Variants in DLG2 observed in about 807,000 individuals in gnomAD.
DLG2 encodes the protein disks large homolog 2.
DLG2 carries 45 observed loss-of-function variants against 132.5 expected under a neutral mutation model. The observed-to-expected ratio is 0.34, with a 90% CI of 0.27 to 0.44. The LOEUF (loss-of-function observed/expected upper bound fraction) is 0.44, where lower values mean the gene tolerates loss of function less well. Among genes scored for constraint, DLG2 ranks in the 20% least tolerant of loss-of-function variants. DLG2 has a pLI of 1.00. For missense variants in DLG2, 1,045 were observed against 1,196.9 expected (o/e 0.87, Z 1.87); for synonymous variants, 424 against 419.6 (o/e 1.01, Z -0.13).
At chr11:83,655,527 C>G (rs1382828511) in intron 18 of DLG2, among the ~76,000 whole-genome samples, 2 of 152,160 alleles carry the variant, frequency 1.3e-5, no homozygotes, top group Non-Finnish European at 2.9e-5. Flanking sequence ...ATTTCCTGCC[C>G]AGACCTCAGT....
chr11:84,839,292 C>T (rs4408337), intron 6 of DLG2, among the ~76,000 whole-genome samples: 126,628 of 152,068 alleles, frequency 0.83, 53,666 homozygotes, highest in Middle Eastern at 0.96. Context: ...ACAAAAGATG[C>T]GAAGGACCTC....
chr11:84,338,681 C>T (rs1285810960), intron 7 of DLG2, among the ~76,000 whole-genome samples: 1 of 152,046 alleles, frequency 6.6e-6, no homozygotes, highest in East Asian at 1.9e-4. Flanking sequence ...TGGCAGTCAC[C>T]TGTAATCCCA....
chr11:83,896,609 G>T (rs1487643362), intron 15 of DLG2, among the ~76,000 whole-genome samples: 1 of 152,118 alleles, frequency 6.6e-6, no homozygotes, highest in Non-Finnish European at 1.5e-5. Flanking sequence ...ATTAATTAAT[G>T]AATATTAAAA....
At chr11:84,934,652 CT>C (rs1449852148) in intron 6 of DLG2, among the ~76,000 whole-genome samples, 1 of 150,176 alleles carries the variant, frequency 6.7e-6, no homozygotes, top group Non-Finnish European at 1.5e-5. Context: ...ACTAGCAAAT[CT>C]AGAAGAAATG....
At chr11:83,928,316 T>C (rs1452835428) in intron 15 of DLG2, among the ~76,000 whole-genome samples, 1 of 152,036 alleles carries the variant, frequency 6.6e-6, no homozygotes, top group Non-Finnish European at 1.5e-5. Flanking sequence ...ATAACTATGG[T>C]ATTCATGATA....
chr11:85,229,090 A>G (rs891575649), intron 4 of DLG2, among the ~76,000 whole-genome samples: 1 of 151,898 alleles, frequency 6.6e-6, no homozygotes, highest in African/African-American at 2.4e-5. Context: ...ATCACATATA[A>G]GAACCTTACA....
At chr11:84,714,595 T>TTCTTTCTCTTTC (rs1164656382) in intron 6 of DLG2, among the ~76,000 whole-genome samples, 2 of 103,892 alleles carry the variant, frequency 1.9e-5, no homozygotes, top group Non-Finnish European at 3.9e-5. Context: ...CTCTTTCTCT[T>TTCTTTCTCTTTC]TCTTTCTCTT....
At chr11:84,716,222 T>C (rs1411007114) in intron 6 of DLG2, among the ~76,000 whole-genome samples, 1 of 150,704 alleles carries the variant, frequency 6.6e-6, no homozygotes, top group Non-Finnish European at 1.5e-5. Flanking sequence ...TGAAGAAGTG[T>C]CTATCCAGGT....
intron 6 of DLG2, among the ~76,000 whole-genome samples, chr11:85,086,152 T>C (rs990034458): frequency 9.9e-5 from 15 of 152,176 alleles, no homozygotes; most frequent in African/African-American, 3.6e-4. Flanking sequence ...CTAATGTTTT[T>C]TCCATACTTG....
chr11:84,623,005 G>A (rs890150133), intron 6 of DLG2, among the ~76,000 whole-genome samples: 3 of 152,040 alleles, frequency 2.0e-5, no homozygotes, highest in Admixed American at 6.6e-5. Flanking sequence ...CCAATCTAGT[G>A]CAGGCCCTTA....
At chr11:85,361,695 G>C (rs191074622) in intron 3 of DLG2, among the ~76,000 whole-genome samples, 97 of 152,258 alleles carry the variant, frequency 6.4e-4, no homozygotes, top group African/African-American at 2.3e-3. Context: ...ACGCTGTTTT[G>C]GTCACTATAG....
At chr11:83,807,640 A>C (rs1490745381) in intron 17 of DLG2, among the ~76,000 whole-genome samples, 1 of 152,182 alleles carries the variant, frequency 6.6e-6, no homozygotes, top group Non-Finnish European at 1.5e-5. Flanking sequence ...AAGGGAGAAG[A>C]AATCAAGGCA....
intron 6 of DLG2, among the ~76,000 whole-genome samples, chr11:84,827,800 C>T (rs1382930924): frequency 4.7e-5 from 7 of 149,412 alleles, no homozygotes; most frequent in South Asian, 2.1e-4. Flanking sequence ...TCATTTCCAA[C>T]GACATGGATG....
chr11:83,506,500 T>A (rs1201694404), intron 21 of DLG2, among the ~76,000 whole-genome samples: 1 of 152,152 alleles, frequency 6.6e-6, no homozygotes, highest in African/African-American at 2.4e-5. Flanking sequence ...TTAGTCTAGT[T>A]ATAGGTCTAG....
chr11:84,186,594 G>A (rs2096281204), intron 8 of DLG2, among the ~76,000 whole-genome samples: 3 of 151,718 alleles, frequency 2.0e-5, no homozygotes, highest in South Asian at 4.2e-4. Context: ...AATCCTAGGG[G>A]CATTATGAAC....
intron 11 of DLG2, among the ~76,000 whole-genome samples, chr11:83,997,921 C>T (rs1357983166): frequency 6.6e-6 from 1 of 150,770 alleles, no homozygotes; most frequent in African/African-American, 2.4e-5. Context: ...CACTTGAGGT[C>T]AGGAGTTCGA....
chr11:85,221,645 T>C (rs1394708881), intron 4 of DLG2, among the ~76,000 whole-genome samples: 3 of 152,224 alleles, frequency 2.0e-5, no homozygotes. Context: ...CAGTGTTCAA[T>C]GTCAAAGCAC....
chr11:83,471,173 A>C (rs1018095079), intron 24 of DLG2, among the ~76,000 whole-genome samples: 6 of 152,110 alleles, frequency 3.9e-5, no homozygotes, highest in African/African-American at 1.4e-4. Context: ...TGGGACTGTC[A>C]ACATGGGAAA....
At chr11:83,871,482 G>C (rs2063428260) in intron 16 of DLG2, among the ~76,000 whole-genome samples, 1 of 152,166 alleles carries the variant, frequency 6.6e-6, no homozygotes, top group African/African-American at 2.4e-5. Flanking sequence ...ATCCTATGTA[G>C]TTGCTTTTCA....
Sources: allele counts gnomAD v4.1 joint callset (sites outside exome capture counted in the v4.1 genomes callset), GRCh38; gene constraint gnomAD v4.1.1; transcripts MANE v1.5; gene names NCBI Gene and HGNC (gene_info 2026-07-23, HGNC 2026-07-21).